LYN: variants seen among roughly 807,000 people sequenced by gnomAD.
The protein encoded by LYN is LYN proto-oncogene, Src family tyrosine kinase.
LYN carries 12 observed loss-of-function variants against 65.0 expected under a neutral mutation model. The observed-to-expected ratio is 0.18, with a 90% confidence interval of 0.12 to 0.30. The LOEUF is 0.30. Among genes scored for constraint, LYN ranks in the 10% least tolerant of loss-of-function variants. LYN has a pLI of 1.00. For missense variants in LYN, 380 were observed against 623.2 expected (o/e 0.61, Z 4.16); for synonymous variants, 222 against 221.2 (o/e 1.00, Z -0.03).
chr8:55,979,465 C>T (rs947910403), intron 10 of LYN, among the ~76,000 whole-genome samples: 1 of 152,186 alleles, frequency 6.6e-6, no homozygotes, highest in Non-Finnish European at 1.5e-5. Flanking sequence ...TGTAGAAACA[C>T]AGCATTCTTC....
At chr8:55,916,650 C>G (rs1805788010) in intron 1 of LYN, among the ~76,000 whole-genome samples, 1 of 152,176 alleles carries the variant, frequency 6.6e-6, no homozygotes, top group Non-Finnish European at 1.5e-5. Context: ...CACAATGCCT[C>G]TCCCTCCTCC....
chr8:55,999,274 C>T (rs369032064), intron 11 of LYN, 144 bp from the exon 12 acceptor site: 8 of 640,650 alleles, frequency 1.2e-5, no homozygotes, highest in South Asian at 4.0e-5. Flanking sequence ...GAGCCGAGAT[C>T]GCATCATTAC....
intron 1 of LYN, among the ~76,000 whole-genome samples, chr8:55,882,115 G>A (rs559448685): frequency 6.6e-6 from 1 of 152,262 alleles, no homozygotes; most frequent in African/African-American, 2.4e-5. Context: ...CTAAATGAGA[G>A]TCTCCACTCA....
intron 12 of LYN, among the ~76,000 whole-genome samples, chr8:56,007,350 G>A (rs1223438079): frequency 6.6e-6 from 1 of 152,322 alleles, no homozygotes; most frequent in Admixed American, 6.5e-5. Flanking sequence ...ATATCATTTT[G>A]TGGAGACTAA....
rs1808888003 is a variant in LYN at position 56,014,123 on chromosome 8, G to C, written c.*4013G>C. The C allele has an allele frequency of 6.6e-6, 1 of 152,170 alleles. No homozygotes were observed. Among genetic ancestry groups the C allele is most frequent in the Non-Finnish European group, 1.5e-5 (1 of 68,044 alleles). 9.4% of individuals were successfully genotyped at this position (152,170 alleles called of 1,614,324 possible). ...TTAAAGCCACAGAAGGAATAGATTG[G>C]CTTCGCTTCATATTGTTTCCTTGTG... is the stretch of plus-strand genomic sequence containing the variant. On this transcript the variant is annotated 3_prime_UTR_variant, in exon 13 of 13. Transcript: ENST00000519728.
chr8:55,989,958 G>A (rs1356732554), intron 10 of LYN, among the ~76,000 whole-genome samples: 3 of 152,182 alleles, frequency 2.0e-5, no homozygotes, highest in African/African-American at 7.2e-5. Flanking sequence ...TTCCTGATTG[G>A]CCAGGCACAG....
At chr8:55,948,126 A>G (rs1022663880) in intron 4 of LYN, among the ~76,000 whole-genome samples, 1 of 152,222 alleles carries the variant, frequency 6.6e-6, no homozygotes, top group Middle Eastern at 3.4e-3. Flanking sequence ...GGCATGTGCC[A>G]CCAGGCCTGG....
intron 8 of LYN, among the ~76,000 whole-genome samples, chr8:55,963,942 G>A (rs1389845617): frequency 1.3e-5 from 2 of 152,088 alleles, no homozygotes; most frequent in East Asian, 1.9e-4. Flanking sequence ...GTTTATAAAC[G>A]TTAAAAAATT....
At chr8:55,945,952 G>A in intron 2 of LYN, among the ~76,000 whole-genome samples, 1 of 152,228 alleles carries the variant, frequency 6.6e-6, no homozygotes, top group East Asian at 1.9e-4. Flanking sequence ...CCATCCTGCT[G>A]CCGCTGGTGT....
intron 4 of LYN, among the ~76,000 whole-genome samples, chr8:55,949,462 G>A (rs1272692194): frequency 6.6e-6 from 1 of 152,208 alleles, no homozygotes; most frequent in Admixed American, 6.5e-5. Flanking sequence ...TGGGGTTCCA[G>A]AGATGTTCTC....
In LYN at chr8:55,953,863, G is replaced by A. The variant is rs139057994; in HGVS notation, c.669G>A (p.Glu223=). 50 of 1,614,010 alleles carry A rather than the reference G, an allele frequency of 3.1e-5. No individual in the cohort carries two copies. Among genetic ancestry groups the A allele is most frequent in the Admixed American group, 6.7e-5 (4 of 60,002 alleles). The stretch of plus-strand genomic sequence containing the variant: ...CAGATGGCTTGTGCAGAAGATTGGA[G>A]AAGGCTTGTATTAGTCCCAAGCCAC... The part of the protein sequence containing the change: ...KQADGLCRRL[E]KACISPKPQK... The change falls in exon 8 of 13, where the codon GAG becomes GAA. Residue 223 remains glutamate, a synonymous_variant. Coordinates refer to ENST00000519728, the MANE Select transcript of LYN (RefSeq NM_002350.4).
chr8:55,995,834 T>C (rs1808360190), intron 10 of LYN, among the ~76,000 whole-genome samples: 1 of 152,172 alleles, frequency 6.6e-6, no homozygotes, highest in African/African-American at 2.4e-5. Context: ...ACCACATTCT[T>C]TGTTTCCACT....
chr8:55,975,752 A>C (rs531513072), intron 10 of LYN, among the ~76,000 whole-genome samples: 263 of 151,820 alleles, frequency 1.7e-3, no homozygotes, highest in African/African-American at 6.0e-3. Context: ...CTTCTGAAAA[A>C]GCCAAAGGAA....
intron 1 of LYN, among the ~76,000 whole-genome samples, chr8:55,884,656 T>C (rs1195950209): frequency 6.6e-6 from 1 of 151,842 alleles, no homozygotes; most frequent in Non-Finnish European, 1.5e-5. Context: ...GGTTTCACCA[T>C]GTTGGCCAGG....
In LYN at chr8:55,937,070, T is replaced by C. The variant is rs535376726; in HGVS notation, c.-5-4785T>C. ...CAGTTGATATTGCAAAGTCAGGCAA[T>C]AGACCCAGCAGTTGACTTCAGCAAT... is the stretch of plus-strand genomic sequence containing the variant. On this transcript the variant is annotated intron_variant, in intron 1 of 12. Coordinates refer to ENST00000519728, the MANE Select transcript of LYN (RefSeq NM_002350.4). Among the ~76,000 whole-genome samples the C allele has an allele frequency of 2.6e-5, 4 of 152,350 alleles. No individual in the cohort carries two copies. The South Asian group carries it at 8.3e-4, about 32-fold the overall frequency.
chr8:55,976,695 G>A (rs1432606063), intron 10 of LYN, among the ~76,000 whole-genome samples: 2 of 152,168 alleles, frequency 1.3e-5, no homozygotes, highest in Non-Finnish European at 2.9e-5. Context: ...GCTAGCAGGT[G>A]GAAGGTGGGC....
intron 10 of LYN, among the ~76,000 whole-genome samples, chr8:55,985,171 C>A (rs1808041950): frequency 6.6e-6 from 1 of 152,074 alleles, no homozygotes; most frequent in African/African-American, 2.4e-5. Flanking sequence ...TGGGGAGGAA[C>A]TGTACTTCTC....
intron 12 of LYN, among the ~76,000 whole-genome samples, chr8:56,006,338 T>C (rs1417353266): frequency 1.3e-5 from 2 of 152,166 alleles, no homozygotes; most frequent in Non-Finnish European, 2.9e-5. Context: ...ATTTGCCCTT[T>C]TGGAAGGAGT....
At chr8:55,908,987 ATG>A (rs755720048) in intron 1 of LYN, among the ~76,000 whole-genome samples, 2 of 71,802 alleles carry the variant, frequency 2.8e-5, no homozygotes, top group African/African-American at 6.2e-5. Flanking sequence ...TCCATTGTGT[ATG>A]TATATATATA....
Sources: allele counts gnomAD v4.1 joint callset (sites outside exome capture counted in the v4.1 genomes callset), GRCh38; gene constraint gnomAD v4.1.1; transcripts MANE v1.5; gene names NCBI Gene and HGNC (gene_info 2026-07-23, HGNC 2026-07-21).